The following LATS2 variants were observed in gnomAD, a reference collection of about 807,000 sequenced individuals.
LATS2 encodes serine/threonine-protein kinase LATS2.
Under a neutral mutation model 76.0 loss-of-function variants are expected in LATS2, and 24 were observed. The ratio of observed to expected loss-of-function variants is 0.32; its 90% confidence interval spans 0.23 to 0.44. LATS2 has a LOEUF of 0.44. Ranked by LOEUF, LATS2 falls within the 20% of genes least tolerant of loss-of-function variation. LATS2 has a pLI of 1.00. For missense variants in LATS2, 1,286 were observed against 1,481.2 expected (o/e 0.87, Z 2.16); for synonymous variants, 692 against 635.4 (o/e 1.09, Z -1.34).
intron 2 of LATS2, among the ~76,000 whole-genome samples, chr13:21,041,682 C>T (rs1872886395): frequency 1.3e-5 from 2 of 152,118 alleles, no homozygotes; most frequent in Admixed American, 1.3e-4. Context: ...GAAAGCAGAA[C>T]CCTTTCCTAG....
intron 2 of LATS2, among the ~76,000 whole-genome samples, chr13:20,992,988 A>G (rs1870572709): frequency 6.8e-6 from 1 of 147,480 alleles, no homozygotes; most frequent in Admixed American, 6.9e-5. Flanking sequence ...GTGAGCCGAG[A>G]TCACGCCACT....
In LATS2 at chr13:20,988,453, G is replaced by A. The variant is rs1290404063; in HGVS notation, c.1327C>T (p.Pro443Ser). The change falls in exon 4 of 8, where the codon CCG becomes TCG. Residue 443 changes from proline (P) to serine (S), a missense_variant. Around this residue, in one of 5 missense-constraint regions of LATS2, gnomAD observed 710 missense variants for 660.9 expected, o/e 1.07. Transcript: ENST00000382592. Reference protein sequence around the residue: ...TAVTAAHILHPVKSVRVLRPE... With the variant: ...TAVTAAHILHSVKSVRVLRPE... The stretch of plus-strand genomic sequence containing the variant: ...CTCAGCACACGCACGCTCTTCACCG[G>A]GTGCAAGATGTGCGCGGCCGTGACA... 1 of 1,525,752 alleles carries A rather than the reference G, an allele frequency of 6.6e-7. No individual in the cohort carries two copies. The highest frequency in any genetic ancestry group is 1.2e-5 in the South Asian group (1 of 83,256). The allele number at this position is 1,525,752 out of a possible 1,614,324, so 94.5% of individuals were successfully genotyped here.
chr13:20,975,594 T>A (rs1483383089), intron 7 of LATS2, among the ~76,000 whole-genome samples: 1 of 152,220 alleles, frequency 6.6e-6, no homozygotes, highest in Non-Finnish European at 1.5e-5. Context: ...GACAAAAAGA[T>A]ACTGATTTTC....
intron 2 of LATS2, among the ~76,000 whole-genome samples, chr13:20,997,633 G>C (rs952717712): frequency 6.6e-6 from 1 of 152,168 alleles, no homozygotes; most frequent in Non-Finnish European, 1.5e-5. Flanking sequence ...CTGCTGACCA[G>C]CTGCCAGACA....
In LATS2 at chr13:20,991,149, G is replaced by T; in HGVS notation, c.475+123C>A. On this transcript the variant is annotated intron_variant, in intron 3 of 7. Coordinates refer to ENST00000382592, the MANE Select transcript of LATS2 (RefSeq NM_014572.3). The surrounding 1 kb of genome is among the most constrained non-coding windows in gnomAD (Gnocchi z 4.9). ...GGCTCAGCTTGCCTGTTAACTGAAT[G>T]AGGCAATGTGCCAGGAGACTGGCTC... 1.6e-6 allele frequency: 2 copies of T among 1,219,792 alleles called. No homozygotes were observed. Among genetic ancestry groups the T allele is most frequent in the Admixed American group, 2.1e-5 (1 of 48,544 alleles). The allele number at this position is 1,219,792 out of a possible 1,614,324, so 75.6% of individuals were successfully genotyped here.
intron 7 of LATS2, 68 bp downstream of exon 7, chr13:20,979,623 A>G (rs1869777332): frequency 2.5e-6 from 2 of 809,600 alleles, no homozygotes; most frequent in Non-Finnish European, 4.2e-6. Flanking sequence ...ATGCTGACCA[A>G]AGATTCATGG....
At position 20,988,195 on chromosome 13, in the gene LATS2, C is replaced by G; in HGVS notation, c.1585G>C (p.Glu529Gln). The change falls in exon 4 of 8, where the codon GAG becomes CAG. Residue 529 changes from glutamate to glutamine, a missense_variant. Coordinates refer to ENST00000382592, the MANE Select transcript of LATS2 (RefSeq NM_014572.3). ...PKHLLLRSKSEQYDLDSLCAG... is the reference protein window; with the variant it reads ...PKHLLLRSKSQQYDLDSLCAG... ...CACAGGCTGTCCAGGTCGTACTGCT[C>G]CGACTTGCTGCGCAGCAGCAGGTGC... 2 of 1,612,624 alleles carry G rather than the reference C, an allele frequency of 1.2e-6. No homozygotes were observed. The highest frequency in any genetic ancestry group is 1.7e-6 in the Non-Finnish European group (2 of 1,179,792).
At chr13:20,989,351 G>A in intron 3 of LATS2, 47 bp from the exon 4 acceptor site, 1 of 1,600,292 alleles carries the variant, frequency 6.2e-7, no homozygotes, top group Middle Eastern at 1.7e-4. Flanking sequence ...GGTGTGATCA[G>A]TGGGTTCTGG....
intron 2 of LATS2, among the ~76,000 whole-genome samples, chr13:21,029,684 G>A (rs923873024): frequency 4.0e-5 from 6 of 151,710 alleles, no homozygotes; most frequent in African/African-American, 1.5e-4. Context: ...CCAGCTACTC[G>A]GAAAGCTGAG....
At chr13:20,992,636 A>G (rs1410695696) in intron 2 of LATS2, among the ~76,000 whole-genome samples, 1 of 152,178 alleles carries the variant, frequency 6.6e-6, no homozygotes. Context: ...AGAAAGGCTG[A>G]GCACTCTGAA....
At chr13:20,976,699 A>G (rs1446034962) in intron 7 of LATS2, among the ~76,000 whole-genome samples, 1 of 152,204 alleles carries the variant, frequency 6.6e-6, no homozygotes, top group Non-Finnish European at 1.5e-5. Flanking sequence ...GCTCAATATA[A>G]TTAAACACTA....
intron 1 of LATS2, among the ~76,000 whole-genome samples, chr13:21,049,644 A>G (rs9550697): frequency 0.8 from 121,844 of 152,086 alleles, 49,494 homozygotes; most frequent in South Asian, 0.91. Flanking sequence ...CTATGAAAGG[A>G]CAAGAGCCAC....
intron 2 of LATS2, among the ~76,000 whole-genome samples, chr13:21,003,443 C>A (rs1291195546): frequency 1.5e-5 from 2 of 137,440 alleles, no homozygotes; most frequent in African/African-American, 2.8e-5. Flanking sequence ...TCTTTTTTTT[C>A]CTTTTTTTTT....
At position 20,989,062 on chromosome 13, in the gene LATS2, C is replaced by T. The variant is rs1389815235; in HGVS notation, c.718G>A (p.Glu240Lys). 6.3e-7 allele frequency: 1 copy of T among 1,583,638 alleles called. No homozygotes were observed. The stretch of plus-strand genomic sequence containing the variant: ...AGCGGGAAGTGTGCCCCTGCTGCCT[C>T]TACGCTGGCACCGTAGCCCTTGGGT... The part of the protein sequence containing the change: ...HPPKGYGASV[E>K]AAGAHFPLQG... The change falls in exon 4 of 8, where the codon GAG becomes AAG. Residue 240 changes from glutamate (E) to lysine (K), a missense_variant. Glu to Lys is a moderately conservative substitution (Grantham distance 56, BLOSUM62 1). This residue lies in a region of LATS2 where 710 missense variants were observed against 660.9 expected (regional missense o/e 1.07). Coordinates refer to ENST00000382592, the MANE Select transcript of LATS2 (RefSeq NM_014572.3).
chr13:20,973,567 A>C lies in LATS2; in HGVS notation c.*1303T>G, dbSNP rs781716101. 1.7e-5 allele frequency: 4 copies of C among 232,610 alleles called. No homozygotes were observed. The highest frequency in any genetic ancestry group is 3.4e-5 in the Non-Finnish European group (4 of 117,532). The allele number at this position is 232,610 out of a possible 1,614,324, so 14.4% of individuals were successfully genotyped here. A position where few individuals can be genotyped will look rare whatever the true frequency, so the allele number is the denominator to read the frequency against. ...GCACATACATCTATACTTCTAAGAA[A>C]ATACGTATGGCTTACTTTTTATTTC... is the stretch of plus-strand genomic sequence containing the variant. On this transcript the variant is annotated 3_prime_UTR_variant, in exon 8 of 8. Coordinates refer to ENST00000382592, the MANE Select transcript of LATS2 (RefSeq NM_014572.3).
intron 2 of LATS2, among the ~76,000 whole-genome samples, chr13:21,013,691 T>G (rs1277390759): frequency 6.6e-6 from 1 of 152,130 alleles, no homozygotes; most frequent in Non-Finnish European, 1.5e-5. Flanking sequence ...AAGGGCCAGG[T>G]GCAGCGGCTC....
intron 7 of LATS2, among the ~76,000 whole-genome samples, chr13:20,977,730 T>C (rs933870464): frequency 8.5e-5 from 13 of 152,118 alleles, no homozygotes; most frequent in African/African-American, 3.1e-4. Flanking sequence ...AAATTTTAAT[T>C]TACCATTAAA....
chr13:20,977,810 C>A (rs1176539526), intron 7 of LATS2, among the ~76,000 whole-genome samples: 2 of 151,972 alleles, frequency 1.3e-5, no homozygotes, highest in Non-Finnish European at 2.9e-5. Flanking sequence ...ATCATGTGGG[C>A]AATTTAGTGA....
intron 1 of LATS2, among the ~76,000 whole-genome samples, chr13:21,058,953 A>C (rs1437851650): frequency 6.6e-6 from 1 of 151,768 alleles, no homozygotes; most frequent in Non-Finnish European, 1.5e-5. Context: ...AAAAAAAAAA[A>C]CATACAAAGC....
Sources: allele counts gnomAD v4.1 joint callset (sites outside exome capture counted in the v4.1 genomes callset), GRCh38; gene constraint gnomAD v4.1.1; regional missense constraint gnomAD v4.1.1; non-coding constraint Gnocchi (gnomAD v3.1); transcripts MANE v1.5; gene names NCBI Gene and HGNC (gene_info 2026-07-23, HGNC 2026-07-21).